Variants in FGL2 observed in about 807,000 individuals in gnomAD.
FGL2 encodes the protein fibrinogen like 2.
Under a neutral mutation model 36.0 loss-of-function variants are expected in FGL2, and 21 were observed. The ratio of observed to expected loss-of-function variants is 0.58; its 90% CI spans 0.41 to 0.84. The LOEUF is 0.84. FGL2 is among the 40% of genes least tolerant of loss of function. The pLI, the probability that FGL2 is intolerant of heterozygous loss-of-function variation, is 0.00. For synonymous variants in FGL2, 183 were observed against 190.7 expected (o/e 0.96, Z 0.33); for missense variants, 444 against 526.3 (o/e 0.84, Z 1.53).
In FGL2 at chr7:77,199,776, C is replaced by G. The variant is rs953537244; in HGVS notation, c.18G>C (p.Trp6Cys). MKLANWYWLSSAVLAT... is the reference protein window; with the variant it reads MKLANCYWLSSAVLAT... Reference sequence around the variant, plus strand: ...CAAGAACAGCTGAGCTCAGCCAGTACCAGTTAGCCAGCTTCATCTTTACAG... The same window carrying G: ...CAAGAACAGCTGAGCTCAGCCAGTAGCAGTTAGCCAGCTTCATCTTTACAG... The change falls in exon 1 of 2, where the codon TGG (tryptophan) becomes TGC (cysteine). Residue 6 changes from tryptophan to cysteine, a missense_variant. Transcript: ENST00000248598. The G allele has an allele frequency of 1.9e-6, 3 of 1,613,716 alleles. No homozygotes were observed. The highest frequency in any genetic ancestry group is 1.3e-5 in the African/African-American group (1 of 74,914).
intron 1 of FGL2, chr7:77,198,186 T>G (rs1257215459): frequency 2.0e-6 from 2 of 985,314 alleles, no homozygotes; most frequent in African/African-American, 3.5e-5. Context: ...CCAGGAGTAT[T>G]ACCAATAGAG....
chr7:77,198,294 T>C (rs1791914101), intron 1 of FGL2: 1 of 985,326 alleles, frequency 1.0e-6, no homozygotes, highest in Admixed American at 6.1e-5. Flanking sequence ...ATCTCCGCCC[T>C]GTCCTTTCAA....
In FGL2 at chr7:77,196,086, AG is replaced by A; in HGVS notation, c.*192del. The A allele has an allele frequency of 1.9e-6, 1 of 538,200 alleles. No homozygotes were observed. Among genetic ancestry groups the A allele is most frequent in the South Asian group, 3.1e-5 (1 of 32,602 alleles). The allele number at this position is 538,200 out of a possible 1,614,324, so 33.3% of individuals were successfully genotyped here. A position where few individuals can be genotyped will look rare whatever the true frequency, so the allele number is the denominator to read the frequency against. On this transcript the variant is annotated 3_prime_UTR_variant, in exon 2 of 2. Transcript: ENST00000248598. The surrounding 1 kb of genome is among the most constrained non-coding windows in gnomAD (Gnocchi z 4.2). Reference sequence around the variant, plus strand: ...TGCTTGCAAGTGTTCATTGGATAACAGCATAACAACAAAGGACTCCTTTAAA... The same window carrying A: ...TGCTTGCAAGTGTTCATTGGATAACACATAACAACAAAGGACTCCTTTAAA...
chr7:77,199,727 C>G lies in FGL2; in HGVS notation c.67G>C (p.Ala23Pro), dbSNP rs1481445135. Residue 23 changes from alanine (A) to proline (P), a missense_variant, in exon 1 of 2, where the codon GCA becomes CCA. Physicochemically the swap from Ala to Pro is conservative, Grantham distance 27. Transcript: ENST00000248598. ...TTAATTTCCTCTGTTTCATTGTTTG[C>G]CACAACCAAAAAACCGTAAGTGGCA... ...VLATYGFLVV[A>P]NNETEEIKDE... 1.2e-6 allele frequency: 2 copies of G among 1,613,950 alleles called. No individual in the cohort carries two copies. Among genetic ancestry groups the G allele is most frequent in the Non-Finnish European group, 1.7e-6 (2 of 1,180,004 alleles).
At chr7:77,198,034 A>G (rs1419792099) in intron 1 of FGL2, 1 of 709,816 alleles carries the variant, frequency 1.4e-6, no homozygotes, top group Non-Finnish European at 1.7e-6. Context: ...TTTCACCCAA[A>G]ATGTTTAGGA....
chr7:77,199,428 C>A lies in FGL2; in HGVS notation c.366G>T (p.Pro122=). ...NGLLLPSTGA[P]GEVGDNRVRE... ...TAACTCTGTTATCACCAACCTCTCC[C>A]GGGGCTCCTGTACTGGGTAACAACA... Residue 122 remains proline (P), a synonymous_variant, in exon 1 of 2, where the codon CCG becomes CCT. Coordinates refer to ENST00000248598, the MANE Select transcript of FGL2 (RefSeq NM_006682.3). 6.2e-7 allele frequency: 1 copy of A among 1,614,124 alleles called. No homozygotes were observed. The highest frequency in any genetic ancestry group is 8.5e-7 in the Non-Finnish European group (1 of 1,180,020).
rs1256582379 is a variant in FGL2 at position 77,195,172 on chromosome 7, C to G, written c.*1107G>C. The G allele has an allele frequency of 1.3e-5, 2 of 151,624 alleles. No homozygotes were observed. Among genetic ancestry groups the G allele is most frequent in the Admixed American group, 6.6e-5 (1 of 15,228 alleles). The allele number at this position is 151,624 out of a possible 1,614,324, so 9.4% of individuals were successfully genotyped here. ...TACCCACATATCCCTACCCACCCCC[C>G]CCAAAAAAACCTACCAGTAGTCTAG... On this transcript the variant is annotated 3_prime_UTR_variant, in exon 2 of 2. Transcript: ENST00000248598.
intron 1 of FGL2, among the ~76,000 whole-genome samples, chr7:77,197,697 T>TTG (rs1316200089): frequency 6.6e-6 from 1 of 152,238 alleles, no homozygotes; most frequent in African/African-American, 2.4e-5. Flanking sequence ...TAAATTCATA[T>TTG]TCATTTCACT....
chr7:77,196,966 T>A lies in FGL2; in HGVS notation c.633A>T (p.Lys211Asn). 1 of 1,604,736 alleles carries A rather than the reference T, an allele frequency of 6.2e-7. No individual in the cohort carries two copies. Among genetic ancestry groups the A allele is most frequent in the Non-Finnish European group, 8.5e-7 (1 of 1,175,004 alleles). The change falls in exon 2 of 2, where the codon AAA becomes AAT. Residue 211 changes from lysine to asparagine, a missense_variant. Physicochemically the swap from Lys to Asn is moderately conservative, Grantham distance 94 (BLOSUM62 0). Coordinates refer to ENST00000248598, the MANE Select transcript of FGL2 (RefSeq NM_006682.3). The surrounding 1 kb of genome is among the most constrained non-coding windows in gnomAD (Gnocchi z 4.2). ...CTATTGCGTAGTAGTCAGAGCAATC[T>A]TTATATATTAGATGTTGAACTGAAG... ...QSRPVQHLIY[K>N]DCSDYYAIGK...
chr7:77,196,240 T>C lies in FGL2; in HGVS notation c.*39A>G. 6.9e-7 allele frequency: 1 copy of C among 1,444,182 alleles called. No homozygotes were observed. Among genetic ancestry groups the C allele is most frequent in the Non-Finnish European group, 9.6e-7 (1 of 1,045,446 alleles). 89.5% of individuals were successfully genotyped at this position (1,444,182 alleles called of 1,614,324 possible). On this transcript the variant is annotated 3_prime_UTR_variant, in exon 2 of 2. Transcript: ENST00000248598. The surrounding 1 kb of genome is among the most constrained non-coding windows in gnomAD (Gnocchi z 4.2). The stretch of plus-strand genomic sequence containing the variant: ...AAAGTGCTGAAGGAATTAATTGCCC[T>C]ATTAGATAACGAATACCTGGAGGAA...
rs1382756593 is a variant in FGL2, at chr7:77,195,511, C to A, written c.*768G>T. Reference sequence around the variant, plus strand: ...AAAATGCTGTAGGGTTGTTCTGTTGCAAAGTAAATGATATAGATTAAGTTT... The same window carrying A: ...AAAATGCTGTAGGGTTGTTCTGTTGAAAAGTAAATGATATAGATTAAGTTT... On this transcript the variant is annotated 3_prime_UTR_variant, in exon 2 of 2. Transcript: ENST00000248598. 6.6e-6 allele frequency: 1 copy of A among 152,012 alleles called. No homozygotes were observed. The highest frequency in any genetic ancestry group is 2.4e-5 in the African/African-American group (1 of 41,388). 9.4% of individuals were successfully genotyped at this position (152,012 alleles called of 1,614,324 possible).
rs773321059 is a variant in FGL2 at position 77,196,856 on chromosome 7, C to G, written c.743G>C (p.Gly248Ala). The stretch of plus-strand genomic sequence containing the variant: ...TGCCTGCAGCACTGTCCAGCCTCCC[C>G]CCATGGTCTCCATGTCACAGTAAAC... The part of the protein sequence containing the change: ...FEVYCDMETM[G>A]GGWTVLQARL... Residue 248 changes from glycine (G) to alanine (A), a missense_variant, in exon 2 of 2, where the codon GGG (glycine) becomes GCG (alanine). Gly to Ala is a moderately conservative substitution (Grantham distance 60). Coordinates refer to ENST00000248598, the MANE Select transcript of FGL2 (RefSeq NM_006682.3). This position sits in a 1 kb window ranked among gnomAD's most constrained non-coding sequence, Gnocchi z 4.2. 2.9e-5 allele frequency: 47 copies of G among 1,614,006 alleles called. No homozygotes were observed. Among genetic ancestry groups the G allele is most frequent in the South Asian group, 1.6e-4 (15 of 91,058 alleles).
rs1187736057 is a variant in FGL2 at position 77,195,759 on chromosome 7, C to T, written c.*520G>A. 3 of 152,780 alleles carry T rather than the reference C, an allele frequency of 2.0e-5. No individual in the cohort carries two copies. The highest frequency in any genetic ancestry group is 2.4e-5 in the African/African-American group (1 of 41,420). The allele number at this position is 152,780 out of a possible 1,614,324, so 9.5% of individuals were successfully genotyped here. ...GCAACCTCTTCCTCTCAGGTTCAAG[C>T]GATTCTCCTGCCTCAGCCTCCCAAG... On this transcript the variant is annotated 3_prime_UTR_variant, in exon 2 of 2. Coordinates refer to ENST00000248598, the MANE Select transcript of FGL2 (RefSeq NM_006682.3).
In FGL2 at chr7:77,199,812, C is replaced by G; in HGVS notation, c.-19G>C. The G allele has an allele frequency of 6.2e-7, 1 of 1,606,262 alleles. No individual in the cohort carries two copies. The highest frequency in any genetic ancestry group is 8.5e-7 in the Non-Finnish European group (1 of 1,175,130). On this transcript the variant is annotated 5_prime_UTR_variant, in exon 1 of 2. Transcript: ENST00000248598. ...GCTTCATCTTTACAGTGCTGCTCAC[C>G]CCAGCAGGGAGTGCGCAGGGCTGGA...
intron 1 of FGL2, chr7:77,198,324 A>C (rs1791914621): frequency 1.0e-6 from 1 of 985,254 alleles, no homozygotes; most frequent in African/African-American, 1.7e-5. Context: ...CATGGTAAGT[A>C]GAGGTCCAAA....
Position 77,194,975 on chromosome 7 carries a change from C to G in FGL2, c.*1304G>C, listed in dbSNP as rs1213278381. 1 of 152,010 alleles carries G rather than the reference C, an allele frequency of 6.6e-6. No homozygotes were observed. Among genetic ancestry groups the G allele is most frequent in the Non-Finnish European group, 1.5e-5 (1 of 67,958 alleles). The allele number at this position is 152,010 out of a possible 1,614,324, so 9.4% of individuals were successfully genotyped here. ...GATAGTAAAATAAGCAATCTACCAGCCAGGGTTGAAATATATAGTATTTTA... is the reference window on the plus strand; with the variant it reads ...GATAGTAAAATAAGCAATCTACCAGGCAGGGTTGAAATATATAGTATTTTA... On this transcript the variant is annotated 3_prime_UTR_variant, in exon 2 of 2. Transcript: ENST00000248598.
rs1245854770 is a variant in FGL2 at position 77,193,907 on chromosome 7, A to C, written c.*2372T>G. ...CATATATTGGTGAATAGTTAAGGCAAAAGGTTCTAGCAGATGTAATCTATT... is the reference window on the plus strand; with the variant it reads ...CATATATTGGTGAATAGTTAAGGCACAAGGTTCTAGCAGATGTAATCTATT... On this transcript the variant is annotated 3_prime_UTR_variant, in exon 2 of 2. Transcript: ENST00000248598. The C allele has an allele frequency of 6.6e-6, 1 of 152,578 alleles. No individual in the cohort carries two copies. Among genetic ancestry groups the C allele is most frequent in the East Asian group, 1.9e-4 (1 of 5,204 alleles). The allele number at this position is 152,578 out of a possible 1,614,324, so 9.5% of individuals were successfully genotyped here.
chr7:77,194,626 A>G lies in FGL2; in HGVS notation c.*1653T>C, dbSNP rs1328232816. On this transcript the variant is annotated 3_prime_UTR_variant, in exon 2 of 2. Transcript: ENST00000248598. ...TTACCTGAAGCAACTATCCTCCTTA[A>G]TCATTTTAAAATAATGGGTAAAGAT... 4 of 152,098 alleles carry G rather than the reference A, an allele frequency of 2.6e-5. No individual in the cohort carries two copies. The highest frequency in any genetic ancestry group is 7.2e-5 in the African/African-American group (3 of 41,438). The allele number at this position is 152,098 out of a possible 1,614,324, so 9.4% of individuals were successfully genotyped here.
intron 1 of FGL2, chr7:77,198,196 G>A (rs970266529): frequency 1.0e-6 from 1 of 985,336 alleles, no homozygotes; most frequent in East Asian, 1.1e-4. Context: ...TACCAATAGA[G>A]GTCCTTGAAA....
Sources: allele counts gnomAD v4.1 joint callset (sites outside exome capture counted in the v4.1 genomes callset), GRCh38; gene constraint gnomAD v4.1.1; non-coding constraint Gnocchi (gnomAD v3.1); transcripts MANE v1.5; gene names NCBI Gene and HGNC (gene_info 2026-07-23, HGNC 2026-07-21).